The following CA10 variants were observed in gnomAD, a reference collection of about 807,000 sequenced individuals.
CA10 encodes the protein carbonic anhydrase-related protein 10.
In CA10, 14 loss-of-function variants were observed where a neutral mutation model predicts 44.2. That is an observed-to-expected ratio of 0.32 (90% CI 0.21 to 0.50). CA10 has a LOEUF of 0.50. CA10 is among the 20% of genes least tolerant of loss of function. The pLI, the probability that CA10 is intolerant of heterozygous loss-of-function variation, is 0.99. For missense variants in CA10, 350 were observed against 409.7 expected, an observed-to-expected ratio of 0.85 and a Z score of 1.26; for synonymous variants, 159 against 141.6, an observed-to-expected ratio of 1.12 and a Z score of -0.87.
At chr17:51,829,483 G>A (rs1481392496) in intron 3 of CA10, among the ~76,000 whole-genome samples, 1 of 152,156 alleles carries the variant, frequency 6.6e-6, no homozygotes, top group Non-Finnish European at 1.5e-5. Context: ...GCCATGAGGA[G>A]CTACGTTGAA....
chr17:52,147,291 T>C (rs1989608834), intron 1 of CA10, among the ~76,000 whole-genome samples: 1 of 152,128 alleles, frequency 6.6e-6, no homozygotes, highest in Admixed American at 6.6e-5. Context: ...ACTAAAACAC[T>C]TTGCATATAC....
At chr17:51,749,209 C>T (rs1335547844) in intron 3 of CA10, among the ~76,000 whole-genome samples, 3 of 152,364 alleles carry the variant, frequency 2.0e-5, no homozygotes, top group African/African-American at 4.8e-5. Flanking sequence ...TAACTACACT[C>T]CCAACAATGT....
chr17:51,765,151 G>T (rs571393452), intron 3 of CA10, among the ~76,000 whole-genome samples: 3 of 152,104 alleles, frequency 2.0e-5, no homozygotes, highest in Non-Finnish European at 2.9e-5. Context: ...TTTGGGGTTG[G>T]GGGGAGAAGG....
intron 3 of CA10, among the ~76,000 whole-genome samples, chr17:51,863,270 G>A (rs764443670): frequency 2.6e-5 from 4 of 152,154 alleles, no homozygotes; most frequent in African/African-American, 7.2e-5. Flanking sequence ...TATTCCATAC[G>A]CTGCTCTTTC....
chr17:51,862,997 A>G (rs1979381757), intron 3 of CA10, among the ~76,000 whole-genome samples: 1 of 152,154 alleles, frequency 6.6e-6, no homozygotes, highest in Non-Finnish European at 1.5e-5. Flanking sequence ...TATTCACTCT[A>G]TAACATAAAC....
intron 1 of CA10, among the ~76,000 whole-genome samples, chr17:52,114,287 T>C (rs894102138): frequency 1.3e-5 from 2 of 152,210 alleles, no homozygotes; most frequent in East Asian, 1.9e-4. Flanking sequence ...ACTAGAGTTC[T>C]TATTTTGGAG....
chr17:51,747,928 G>C (rs933954188), intron 3 of CA10, 110 bp from the exon 4 acceptor site: 2 of 775,974 alleles, frequency 2.6e-6, no homozygotes, highest in African/African-American at 1.7e-5. Flanking sequence ...ATGGGAAGAT[G>C]GGCTAAATCC....
chr17:52,058,895 C>T (rs1350541046), intron 2 of CA10, among the ~76,000 whole-genome samples: 3 of 152,158 alleles, frequency 2.0e-5, no homozygotes, highest in African/African-American at 7.2e-5. Context: ...CAACTGCGAG[C>T]TCTTAAGATC....
chr17:51,673,896 A>G (rs1182306018), intron 4 of CA10, among the ~76,000 whole-genome samples: 3 of 152,202 alleles, frequency 2.0e-5, no homozygotes, highest in Non-Finnish European at 4.4e-5. Flanking sequence ...GGCCATGCCA[A>G]GCCACTGCAT....
chr17:51,951,791 A>C (rs558745247), intron 2 of CA10, among the ~76,000 whole-genome samples: 2 of 152,302 alleles, frequency 1.3e-5, no homozygotes, highest in Non-Finnish European at 2.9e-5. Flanking sequence ...TCTGATCTTC[A>C]AGACAACCTC....
In CA10 at chr17:52,158,096, C is replaced by A. The variant is rs1029201463; in HGVS notation, c.-310G>T. 9.9e-6 allele frequency: 5 copies of A among 503,270 alleles called. No individual in the cohort carries two copies. Among genetic ancestry groups the A allele is most frequent in the Admixed American group, 3.3e-5 (1 of 30,190 alleles). The allele number at this position is 503,270 out of a possible 1,614,324, so 31.2% of individuals were successfully genotyped here. A position where few individuals can be genotyped will look rare whatever the true frequency, so the allele number is the denominator to read the frequency against. ...CTTCGCACCAGCGGCGGAAACCGCACTAGCAGCGGCGGCGGCGGCGGCGGC... is the reference window on the plus strand; with the variant it reads ...CTTCGCACCAGCGGCGGAAACCGCAATAGCAGCGGCGGCGGCGGCGGCGGC... On this transcript the variant is annotated 5_prime_UTR_variant, in exon 1 of 9. Transcript: ENST00000451037.
chr17:51,969,371 G>A (rs1215160466), intron 2 of CA10, among the ~76,000 whole-genome samples: 3 of 152,034 alleles, frequency 2.0e-5, no homozygotes, highest in Admixed American at 1.3e-4. Context: ...CCAAGTTCAC[G>A]TATCTGGTAA....
At chr17:52,134,641 C>T (rs1989310902) in intron 1 of CA10, among the ~76,000 whole-genome samples, 1 of 152,148 alleles carries the variant, frequency 6.6e-6, no homozygotes, top group African/African-American at 2.4e-5. Context: ...CCCTGGCATA[C>T]TCTCTGGGAG....
chr17:51,697,344 T>C (rs1915437889), intron 4 of CA10, among the ~76,000 whole-genome samples: 1 of 152,242 alleles, frequency 6.6e-6, no homozygotes, highest in Non-Finnish European at 1.5e-5. Context: ...CCTTAGTTTC[T>C]TAGTCATTCC....
chr17:51,948,147 C>A (rs973042720), intron 2 of CA10, among the ~76,000 whole-genome samples: 5 of 152,142 alleles, frequency 3.3e-5, no homozygotes, highest in Non-Finnish European at 7.3e-5. Flanking sequence ...TGGGACTCAG[C>A]AACAAGACTG....
intron 3 of CA10, among the ~76,000 whole-genome samples, chr17:51,876,553 G>A (rs1315815121): frequency 1.3e-5 from 2 of 152,020 alleles, no homozygotes; most frequent in Non-Finnish European, 2.9e-5. Flanking sequence ...TGTGGGGAAT[G>A]TCCTGTGCAT....
chr17:52,061,349 GAAGGC>G (rs1987380244), intron 2 of CA10, among the ~76,000 whole-genome samples: 1 of 152,156 alleles, frequency 6.6e-6, no homozygotes, highest in African/African-American at 2.4e-5. Context: ...AGAAGGTGGA[GAAGGC>G]AAGGGATTGA....
intron 4 of CA10, among the ~76,000 whole-genome samples, chr17:51,680,439 A>C (rs1405188): frequency 0.12 from 17,770 of 152,218 alleles, 2,330 homozygotes; most frequent in African/African-American, 0.32. Flanking sequence ...GATTAAACCA[A>C]TTGGGCAAGT....
At chr17:51,642,159 G>A (rs766469049) in intron 6 of CA10, among the ~76,000 whole-genome samples, 3 of 152,206 alleles carry the variant, frequency 2.0e-5, no homozygotes, top group Non-Finnish European at 4.4e-5. Context: ...AGCTGCTCCT[G>A]TTCTGTTCCT....
Sources: allele counts gnomAD v4.1 joint callset (sites outside exome capture counted in the v4.1 genomes callset), GRCh38; gene constraint gnomAD v4.1.1; transcripts MANE v1.5; gene names NCBI Gene and HGNC (gene_info 2026-07-23, HGNC 2026-07-21).